The following RNF43 variants were observed in gnomAD, a reference collection of about 807,000 sequenced individuals.
RNF43 encodes the protein ring finger protein 43, also known as E3 ubiquitin-protein ligase RNF43.
In RNF43, 37 loss-of-function variants were observed where a neutral mutation model predicts 78.4. That is an observed-to-expected ratio of 0.47 (90% confidence interval 0.36 to 0.62). RNF43 has a LOEUF of 0.62. RNF43 is among the 20% of genes least tolerant of loss of function. The pLI, the probability that RNF43 is intolerant of heterozygous loss-of-function variation, is 0.00. For synonymous variants in RNF43, 347 were observed against 395.0 expected (o/e 0.88, Z 1.44); for missense variants, 774 against 1,007.9 (o/e 0.77, Z 3.14).
rs2143459477 is a variant in RNF43, at chr17:58,362,588, C to A, written c.643G>T (p.Ala215Ser). ...VVGTIFVIIL[A>S]SVLRIRCRPR... ...CGGCACCGGATGCGCAGCACCGAAG[C>A]CAGGATGATCACAAAGATGGTGCCC... Residue 215 changes from alanine (A) to serine (S), a missense_variant, in exon 6 of 10, where the codon GCT becomes TCT. Coordinates refer to ENST00000407977, the MANE Select transcript of RNF43 (RefSeq NM_017763.6). The A allele has an allele frequency of 6.2e-7, 1 of 1,612,010 alleles. No individual in the cohort carries two copies. The highest frequency in any genetic ancestry group is 1.1e-5 in the South Asian group (1 of 90,760).
intron 2 of RNF43, among the ~76,000 whole-genome samples, chr17:58,398,303 C>T (rs928812002): frequency 6.6e-6 from 1 of 152,152 alleles, no homozygotes; most frequent in African/African-American, 2.4e-5. Flanking sequence ...ACAAGGATAT[C>T]ATTATGGTCA....
chr17:58,356,165 G>A (rs1972681801), intron 9 of RNF43, among the ~76,000 whole-genome samples: 1 of 152,174 alleles, frequency 6.6e-6, no homozygotes, highest in Non-Finnish European at 1.5e-5. Flanking sequence ...TGATTGGCAA[G>A]TTCCATGTCT....
rs1972798822 is a variant in RNF43 at position 58,360,090 on chromosome 17, G to A, written c.952+59C>T. ...CAAGGCTGCAACCCTTTCCCAAAGG[G>A]AAGCCACATTCTAGACCTGTCTGCC... On this transcript the variant is annotated intron_variant, in intron 8 of 9. Transcript: ENST00000407977. The surrounding 1 kb of genome is among the most constrained non-coding windows in gnomAD (Gnocchi z 4.3). 1.3e-5 allele frequency: 18 copies of A among 1,344,048 alleles called. No individual in the cohort carries two copies. The South Asian group carries it at 2.0e-4, about 15-fold the overall frequency. The allele number at this position is 1,344,048 out of a possible 1,614,324, so 83.3% of individuals were successfully genotyped here.
At chr17:58,389,773 T>C (rs542093509) in intron 2 of RNF43, among the ~76,000 whole-genome samples, 1 of 152,354 alleles carries the variant, frequency 6.6e-6, no homozygotes, top group South Asian at 2.1e-4. Context: ...AAATTCTGTA[T>C]TTCTACAATT....
At chr17:58,390,555 T>A (rs942587145) in intron 2 of RNF43, among the ~76,000 whole-genome samples, 1 of 152,216 alleles carries the variant, frequency 6.6e-6, no homozygotes, top group Non-Finnish European at 1.5e-5. Flanking sequence ...ACTGTTTCAG[T>A]AACAGTAGCC....
intron 2 of RNF43, among the ~76,000 whole-genome samples, chr17:58,391,539 C>T (rs559432447): frequency 4.6e-5 from 7 of 152,294 alleles, no homozygotes; most frequent in Middle Eastern, 3.4e-3. Context: ...TGGGGGCCAA[C>T]GCTGGACGCC....
rs549625603 is a variant in RNF43 at position 58,354,758 on chromosome 17, T to A, written c.*185A>T. On this transcript the variant is annotated 3_prime_UTR_variant, in exon 10 of 10. Coordinates refer to ENST00000407977, the MANE Select transcript of RNF43 (RefSeq NM_017763.6). ...GTTTTCTGCAGACAAGGTCTGGAGC[T>A]GGAGCAGGAAACGGCACCCTCTCAC... The A allele has an allele frequency of 1.6e-6, 1 of 628,878 alleles. No individual in the cohort carries two copies. Among genetic ancestry groups the A allele is most frequent in the East Asian group, 2.8e-5 (1 of 36,102 alleles). The allele number at this position is 628,878 out of a possible 1,614,324, so 39.0% of individuals were successfully genotyped here. A position where few individuals can be genotyped will look rare whatever the true frequency, so the allele number is the denominator to read the frequency against.
rs752924746 is a variant in RNF43, at chr17:58,358,582, A to C, written c.1194T>G (p.Ala398=). 1 of 1,595,470 alleles carries C rather than the reference A, an allele frequency of 6.3e-7. No individual in the cohort carries two copies. Among genetic ancestry groups the C allele is most frequent in the African/African-American group, 1.3e-5 (1 of 74,754 alleles). The change falls in exon 9 of 10, where the codon GCT becomes GCG. Residue 398 remains alanine (A), a synonymous_variant. Transcript: ENST00000407977. This position sits in a 1 kb window ranked among gnomAD's most constrained non-coding sequence, Gnocchi z 6.2. ...CTGCCAGGCGCTGCTGCTCTCCTGG[A>C]GCCCGGGGATGTGCAGCTCTGGGGA... ...HRFPRAAHPR[A]PGEQQRLAGA...
At chr17:58,405,746 GAA>G (rs1973897405) in intron 2 of RNF43, among the ~76,000 whole-genome samples, 1 of 151,090 alleles carries the variant, frequency 6.6e-6, no homozygotes, top group South Asian at 2.1e-4. Context: ...AAGAAAGAAA[GAA>G]AGAAAGAAAG....
intron 2 of RNF43, among the ~76,000 whole-genome samples, chr17:58,383,967 C>A (rs958015108): frequency 6.6e-6 from 1 of 152,210 alleles, no homozygotes; most frequent in Non-Finnish European, 1.5e-5. Flanking sequence ...GATTCCACCA[C>A]CCTGCCTTTG....
intron 2 of RNF43, among the ~76,000 whole-genome samples, chr17:58,380,006 C>A (rs1329397719): frequency 6.6e-6 from 1 of 152,196 alleles, no homozygotes; most frequent in Non-Finnish European, 1.5e-5. Flanking sequence ...TCTTTAGAAG[C>A]AAGGCCATGA....
intron 6 of RNF43, among the ~76,000 whole-genome samples, chr17:58,361,958 AT>A (rs1972842236): frequency 6.6e-6 from 1 of 152,000 alleles, no homozygotes; most frequent in East Asian, 1.9e-4. Context: ...AAATACAAAA[AT>A]TAGTAGCTCC....
At chr17:58,353,645 C>A (rs1157995407), downstream of RNF43, 2 of 209,408 alleles carry the variant, frequency 9.6e-6, no homozygotes, top group African/African-American at 2.3e-5. Context: ...GTGACAGTCA[C>A]GACAGAACAA....
At chr17:58,416,605 A>G (rs1000871911) in intron 1 of RNF43, 1 of 152,354 alleles carries the variant, frequency 6.6e-6, no homozygotes, top group South Asian at 2.1e-4. Context: ...CTAGGTTCAT[A>G]AGAAAAACAA....
intron 2 of RNF43, among the ~76,000 whole-genome samples, chr17:58,409,610 T>G (rs2143674817): frequency 6.6e-6 from 1 of 152,296 alleles, no homozygotes; most frequent in East Asian, 1.9e-4. Context: ...TGGGCTCAAG[T>G]GATCCTCCCA....
downstream of RNF43, chr17:58,352,720 C>T: frequency 4.8e-6 from 1 of 208,498 alleles, no homozygotes; most frequent in Non-Finnish European, 9.8e-6. Flanking sequence ...CACAGGAATG[C>T]TGGCCTGGGA....
At position 58,415,492 on chromosome 17, in the gene RNF43, C is replaced by A. The variant is rs756880429; in HGVS notation, c.86G>T (p.Gly29Val). Residue 29 changes from glycine to valine, a missense_variant, in exon 2 of 10, where the codon GGA becomes GTA. Physicochemically the swap from Gly to Val is moderately radical, Grantham distance 109 (BLOSUM62 -3). Transcript: ENST00000407977. Reference protein sequence around the residue: ...ATLQAGFGRTGLVLAAAVESE... With the variant: ...ATLQAGFGRTVLVLAAAVESE... The stretch of plus-strand genomic sequence containing the variant: ...CTCCACCGCTGCTGCCAGTACCAGT[C>A]CTGTGCGTCCAAAGCCTGCCTGCAG... 1 of 1,613,538 alleles carries A rather than the reference C, an allele frequency of 6.2e-7. No homozygotes were observed. Among genetic ancestry groups the A allele is most frequent in the African/African-American group, 1.3e-5 (1 of 75,064 alleles).
At chr17:58,396,836 C>T (rs1317322888) in intron 2 of RNF43, among the ~76,000 whole-genome samples, 2 of 151,824 alleles carry the variant, frequency 1.3e-5, no homozygotes, top group African/African-American at 2.4e-5. Flanking sequence ...TTTATATATA[C>T]ACACACACAC....
At chr17:58,379,850 T>C (rs1406457758) in intron 2 of RNF43, among the ~76,000 whole-genome samples, 1 of 152,236 alleles carries the variant, frequency 6.6e-6, no homozygotes, top group Non-Finnish European at 1.5e-5. Flanking sequence ...GTAGAACTTT[T>C]ATATCATTAT....
Sources: gnomAD v4.1 joint callset for allele counts (sites outside exome capture counted in the v4.1 genomes callset) on GRCh38, gnomAD v4.1.1 for gene constraint, Gnocchi (gnomAD v3.1) non-coding constraint, MANE v1.5 for transcripts, NCBI Gene and HGNC (gene_info 2026-07-23, HGNC 2026-07-21) for gene names.